Variants in PCDHGB4 observed in about 807,000 individuals in gnomAD.
PCDHGB4 encodes the protein protocadherin gamma-B4.
PCDHGB4 carries 38 observed loss-of-function variants against 60.5 expected under a neutral mutation model. The ratio of observed to expected loss-of-function variants is 0.63; its 90% confidence interval spans 0.48 to 0.82. The LOEUF is 0.82. PCDHGB4 is among the 40% of genes least tolerant of loss of function. The probability of loss-of-function intolerance (pLI) is 0.00; values close to 1 mark genes in which losing one functional copy is unlikely to be tolerated. For missense variants in PCDHGB4, 1,109 were observed against 1,209.6 expected (o/e 0.92, Z 1.23); for synonymous variants, 456 against 509.7 (o/e 0.89, Z 1.42).
chr5:141,503,214 T>C (rs994291483), intron 2 of PCDHGB4, among the ~76,000 whole-genome samples: 7 of 152,096 alleles, frequency 4.6e-5, no homozygotes, highest in African/African-American at 1.7e-4. Flanking sequence ...GTGCCCACCA[T>C]GAGCACCGTA....
At chr5:141,403,784 G>T in intron 1 of PCDHGB4, 1 of 1,613,906 alleles carries the variant, frequency 6.2e-7, no homozygotes, top group Non-Finnish European at 8.5e-7. Context: ...CGGAAAAGTG[G>T]CATACAAATT....
chr5:141,472,337 C>T (rs1327386198), intron 1 of PCDHGB4, among the ~76,000 whole-genome samples: 1 of 151,764 alleles, frequency 6.6e-6, no homozygotes, highest in Non-Finnish European at 1.5e-5. Context: ...GTTGGGAGAT[C>T]GAGACCATCC....
At chr5:141,399,063 A>G (rs762517133) in intron 1 of PCDHGB4, 1 of 1,613,714 alleles carries the variant, frequency 6.2e-7, no homozygotes, top group South Asian at 1.1e-5. Flanking sequence ...AGGAATATTC[A>G]ATGGTTGTAG....
chr5:141,489,804 G>A lies in PCDHGB4; in HGVS notation c.2398-5003G>A, dbSNP rs2099692572. 1 of 1,614,056 alleles carries A rather than the reference G, an allele frequency of 6.2e-7. No homozygotes were observed. The highest frequency in any genetic ancestry group is 1.3e-5 in the African/African-American group (1 of 74,932). ...TGAATGTGAAGACCCTAAAAGATGG[G>A]AAGCCATTCCCAGAGCTGGTGCTAG... On this transcript the variant is annotated intron_variant, in intron 1 of 3. Transcript: ENST00000519479. The surrounding 1 kb of genome is among the most constrained non-coding windows in gnomAD (Gnocchi z 4.5).
chr5:141,450,454 G>A (rs144071286), intron 1 of PCDHGB4, among the ~76,000 whole-genome samples: 3,498 of 151,958 alleles, frequency 0.023, 60 homozygotes, highest in Middle Eastern at 0.051. Flanking sequence ...ATGTTTCCTC[G>A]TGATTTTATA....
rs1001912556 is a variant in PCDHGB4, at chr5:141,493,404, CTCTGCTGGGATTTTGCT to C, written c.2398-1391_2398-1375del. Among the ~76,000 whole-genome samples, 10 of 152,266 alleles carry C rather than the reference CTCTGCTGGGATTTTGCT, an allele frequency of 6.6e-5. No individual in the cohort carries two copies. Among genetic ancestry groups the C allele is most frequent in the Admixed American group, 6.5e-4 (10 of 15,298 alleles). On this transcript the variant is annotated intron_variant, in intron 1 of 3. Coordinates refer to ENST00000519479, the MANE Select transcript of PCDHGB4 (RefSeq NM_003736.4). The surrounding 1 kb of genome is among the most constrained non-coding windows in gnomAD (Gnocchi z 4.3). ...CTTGAGGACAGGAGAGGGGAGTTGCCTCTGCTGGGATTTTGCTTCTGCTGGGATGGGGCAAGGGTGGG... is the reference window on the plus strand; with the variant it reads ...CTTGAGGACAGGAGAGGGGAGTTGCCTCTGCTGGGATGGGGCAAGGGTGGG...
chr5:141,487,675 A>G lies in PCDHGB4; in HGVS notation c.2398-7132A>G, dbSNP rs752606441. ...GTTATTCTGATCCAGGCATATGGCT[A>G]GGCCATGTCCTAGAGAGTACTGGCC... On this transcript the variant is annotated intron_variant, in intron 1 of 3. Transcript: ENST00000519479. This position sits in a 1 kb window ranked among gnomAD's most constrained non-coding sequence, Gnocchi z 5.0. 22 of 1,611,038 alleles carry G rather than the reference A, an allele frequency of 1.4e-5. No individual in the cohort carries two copies. Among genetic ancestry groups the G allele is most frequent in the Non-Finnish European group, 1.7e-5 (20 of 1,178,458 alleles).
In PCDHGB4 at chr5:141,476,742, G is replaced by C. The variant is rs1015622831; in HGVS notation, c.2398-18065G>C. 8.7e-6 allele frequency: 14 copies of C among 1,613,936 alleles called. No homozygotes were observed. Among genetic ancestry groups the C allele is most frequent in the Non-Finnish European group, 1.1e-5 (13 of 1,180,032 alleles). On this transcript the variant is annotated intron_variant, in intron 1 of 3. Transcript: ENST00000519479. The surrounding 1 kb of genome is among the most constrained non-coding windows in gnomAD (Gnocchi z 7.6). ...GCCCTGGACCGAGAACGGGAGCCTA[G>C]TCTCCAGTTAGTGCTGACGGCGTTG...
intron 3 of PCDHGB4, 67 bp from the exon 4 acceptor site, chr5:141,510,880 G>A (rs373993657): frequency 1.9e-6 from 3 of 1,611,784 alleles, no homozygotes; most frequent in Admixed American, 3.3e-5. Context: ...AACTGCTGGG[G>A]ATATAAGACA....
At chr5:141,468,849 G>C (rs1349849817) in intron 1 of PCDHGB4, among the ~76,000 whole-genome samples, 2 of 152,058 alleles carry the variant, frequency 1.3e-5, no homozygotes, top group East Asian at 3.9e-4. Flanking sequence ...CTGGGCAACA[G>C]AGCGAGACTC....
rs547410815 is a variant in PCDHGB4 at position 141,418,658 on chromosome 5, A to T, written c.2397+28377A>T. ...CACCTCCATCCTGAGAGTGAAGGCC[A>T]CTGACCAGGACGAGGGCATCAACTC... is the stretch of plus-strand genomic sequence containing the variant. On this transcript the variant is annotated intron_variant, in intron 1 of 3. Transcript: ENST00000519479. 2.6e-4 allele frequency: 419 copies of T among 1,614,030 alleles called. 6 individuals carry two copies. The South Asian group carries it at 4.2e-3, about 16-fold the overall frequency.
chr5:141,410,032 G>C (rs1395086834), intron 1 of PCDHGB4: 5 of 1,613,162 alleles, frequency 3.1e-6, no homozygotes, highest in African/African-American at 1.3e-5. Flanking sequence ...ACGTGCTGCA[G>C]GCCAGTGAGC....
rs146919978 is a variant in PCDHGB4, at chr5:141,489,268, G to A, written c.2398-5539G>A. 1,443 of 1,553,166 alleles carry A rather than the reference G, an allele frequency of 9.3e-4. 2 individuals are homozygous for A. The highest frequency in any genetic ancestry group is 1.2e-3 in the Non-Finnish European group (1,381 of 1,149,786). On this transcript the variant is annotated intron_variant, in intron 1 of 3. Transcript: ENST00000519479. The surrounding 1 kb of genome is among the most constrained non-coding windows in gnomAD (Gnocchi z 4.5). ...GGGGCCCAAGACACTCCCACAGCTCGCTGGGAAATGGCAAGTGCTGTGCAT... is the reference window on the plus strand; with the variant it reads ...GGGGCCCAAGACACTCCCACAGCTCACTGGGAAATGGCAAGTGCTGTGCAT...
In PCDHGB4 at chr5:141,431,543, C is replaced by T. The variant is rs1334234544; in HGVS notation, c.2397+41262C>T. The T allele has an allele frequency of 1.9e-6, 3 of 1,614,128 alleles. No individual in the cohort carries two copies. The highest frequency in any genetic ancestry group is 2.5e-6 in the Non-Finnish European group (3 of 1,180,036). ...GAATCTGGCCTTGGGCACGCAGCTGCTTGTAGTCAACGCTACCGACCCTGA... is the reference window on the plus strand; with the variant it reads ...GAATCTGGCCTTGGGCACGCAGCTGTTTGTAGTCAACGCTACCGACCCTGA... On this transcript the variant is annotated intron_variant, in intron 1 of 3. Transcript: ENST00000519479. This position sits in a 1 kb window ranked among gnomAD's most constrained non-coding sequence, Gnocchi z 4.8.
At chr5:141,502,932 C>T (rs1039438031) in intron 2 of PCDHGB4, among the ~76,000 whole-genome samples, 2 of 143,766 alleles carry the variant, frequency 1.4e-5, no homozygotes, top group African/African-American at 5.3e-5. Context: ...CAACCTTCAC[C>T]TCCTGGGTTC....
chr5:141,404,890 A>G (rs745830169), intron 1 of PCDHGB4: 1 of 1,613,870 alleles, frequency 6.2e-7, no homozygotes, highest in Middle Eastern at 1.6e-4. Context: ...TGGTGGCTGT[A>G]CAGGACCATG....
Position 141,387,955 on chromosome 5 carries a change from T to C in PCDHGB4, c.71T>C (p.Leu24Ser). The C allele has an allele frequency of 6.7e-7, 1 of 1,493,874 alleles. No individual in the cohort carries two copies. 92.5% of individuals were successfully genotyped at this position (1,493,874 alleles called of 1,614,324 possible). The change falls in exon 1 of 4, where the codon TTG (leucine) becomes TCG (serine). Residue 24 changes from leucine to serine, a missense_variant. Coordinates refer to ENST00000519479, the MANE Select transcript of PCDHGB4 (RefSeq NM_003736.4). ...GTGCTCTTTCTCTTCCTGCTGTCTT[T>C]GTTCTGCCCGGCGCTCTGTGAGCAG... ...LPVLFLFLLS[L>S]FCPALCEQIR...
rs568927137 is a variant in PCDHGB4, at chr5:141,410,186, CT to C, written c.2397+19906del. On this transcript the variant is annotated intron_variant, in intron 1 of 3. Coordinates refer to ENST00000519479, the MANE Select transcript of PCDHGB4 (RefSeq NM_003736.4). ...ACTCTCTGCCACCGCCACGCTTCAT[CT>C]GGTCTTCGCAGACAACTTGCAAGAG... 1.6e-5 allele frequency: 26 copies of C among 1,613,940 alleles called. 1 individual carries two copies. In the South Asian group the frequency reaches 2.6e-4, roughly 16 times the overall value.
chr5:141,419,067 A>C (rs2096321794), intron 1 of PCDHGB4: 2 of 1,613,956 alleles, frequency 1.2e-6, no homozygotes, highest in African/African-American at 1.3e-5. Flanking sequence ...AATTACTACA[A>C]GCTAGTAACA....
Sources: gnomAD v4.1 joint callset for allele counts (sites outside exome capture counted in the v4.1 genomes callset) on GRCh38, gnomAD v4.1.1 for gene constraint, Gnocchi (gnomAD v3.1) non-coding constraint, MANE v1.5 for transcripts, NCBI Gene and HGNC (gene_info 2026-07-23, HGNC 2026-07-21) for gene names.